CADM2: variants seen among roughly 807,000 people sequenced by gnomAD.
The protein encoded by CADM2 is cell adhesion molecule 2.
Under a neutral mutation model 49.8 loss-of-function variants are expected in CADM2, and 12 were observed. The observed-to-expected ratio is 0.24, with a 90% confidence interval of 0.15 to 0.39. CADM2 has a LOEUF of 0.39. Ranked by LOEUF, CADM2 falls within the 10% of genes least tolerant of loss-of-function variation. The probability of loss-of-function intolerance (pLI) is 1.00; values close to 1 mark genes in which losing one functional copy is unlikely to be tolerated. For missense variants in CADM2, 378 were observed against 492.3 expected, an observed-to-expected ratio of 0.77 and a Z score of 2.20; for synonymous variants, 214 against 175.4, an observed-to-expected ratio of 1.22 and a Z score of -1.74.
intron 1 of CADM2, among the ~76,000 whole-genome samples, chr3:85,437,981 T>G (rs1416733965): frequency 6.6e-6 from 1 of 152,170 alleles, no homozygotes; most frequent in Non-Finnish European, 1.5e-5. Flanking sequence ...TGCAAAGTAT[T>G]AACAACTCTC....
Position 85,562,492 on chromosome 3 carries a change from A to T in CADM2, c.62-164030A>T, listed in dbSNP as rs937439169. 6.6e-5 allele frequency among the ~76,000 whole-genome samples: 10 copies of T among 151,388 alleles called. No individual in the cohort carries two copies. In the East Asian group the frequency reaches 1.9e-3, roughly 29 times the overall value. ...AAACTCCATCTCAAAAAAAAAAAAA[A>T]AAAAAAAAAAAAGACCTAGTTCTAA... is the stretch of plus-strand genomic sequence containing the variant. On this transcript the variant is annotated intron_variant, in intron 1 of 9. Transcript: ENST00000383699.
Position 85,700,391 on chromosome 3 carries a change from G to A in CADM2, c.62-26131G>A, listed in dbSNP as rs1177609887. Among the ~76,000 whole-genome samples, 7 of 152,184 alleles carry A rather than the reference G, an allele frequency of 4.6e-5. No individual in the cohort carries two copies. The South Asian group carries it at 1.2e-3, about 27-fold the overall frequency. ...AGGAGAAATACCTAATGTAGGTGAC[G>A]GGTTGATGGGTGCAGCAAACCACCA... On this transcript the variant is annotated intron_variant, in intron 1 of 9. Coordinates refer to ENST00000383699, the MANE Select transcript of CADM2 (RefSeq NM_001167675.2).
At chr3:85,671,530 A>G (rs1264863320) in intron 1 of CADM2, among the ~76,000 whole-genome samples, 4 of 152,202 alleles carry the variant, frequency 2.6e-5, no homozygotes, top group Non-Finnish European at 5.9e-5. Flanking sequence ...GAGAAGTGAA[A>G]ACTAGATGAC....
chr3:85,769,623 GTATATATATACACATATATACATATATA>G (rs2069959139), intron 2 of CADM2, among the ~76,000 whole-genome samples: 1 of 36,818 alleles, frequency 2.7e-5, no homozygotes, highest in Non-Finnish European at 4.9e-5. Context: ...TACATATATA[GTATATATATACACATATATACATATATA>G]CATATATAGT....
At chr3:85,064,907 A>G (rs58443333) in intron 1 of CADM2, among the ~76,000 whole-genome samples, 7,816 of 152,162 alleles carry the variant, frequency 0.051, 252 homozygotes, top group African/African-American at 0.075. Flanking sequence ...GTGCCTCATG[A>G]GTTGCATGTC....
At chr3:85,950,518 A>G (rs376175918) in intron 7 of CADM2, among the ~76,000 whole-genome samples, 4 of 151,294 alleles carry the variant, frequency 2.6e-5, no homozygotes, top group South Asian at 2.1e-4. Flanking sequence ...ATAATCATCA[A>G]TGAACACTAC....
chr3:85,728,316 C>T (rs531093359), intron 2 of CADM2, among the ~76,000 whole-genome samples: 1 of 152,126 alleles, frequency 6.6e-6, no homozygotes, highest in Non-Finnish European at 1.5e-5. Flanking sequence ...TACTTGTATA[C>T]TAGCCTGTAG....
chr3:85,140,967 A>G (rs2107627596), intron 1 of CADM2, among the ~76,000 whole-genome samples: 1 of 152,298 alleles, frequency 6.6e-6, no homozygotes, highest in African/African-American at 2.4e-5. Context: ...CAACCTACAC[A>G]AAACCTATGA....
chr3:85,235,200 G>GT (rs1184572849), intron 1 of CADM2, among the ~76,000 whole-genome samples: 4 of 152,012 alleles, frequency 2.6e-5, no homozygotes, highest in Admixed American at 1.3e-4. Flanking sequence ...CATGTAGATG[G>GT]TTTTTTGTGA....
At chr3:85,290,081 T>A (rs1030849267) in intron 1 of CADM2, among the ~76,000 whole-genome samples, 2 of 152,020 alleles carry the variant, frequency 1.3e-5, no homozygotes, top group African/African-American at 4.8e-5. Context: ...TCAGTGGGTG[T>A]GTGCACCGTG....
intron 1 of CADM2, among the ~76,000 whole-genome samples, chr3:85,435,860 A>G (rs1018384921): frequency 4.6e-5 from 7 of 151,544 alleles, no homozygotes; most frequent in African/African-American, 1.7e-4. Context: ...CCACTTTTTG[A>G]TGGGGTCGTT....
chr3:86,005,324 G>C (rs1730651013), intron 8 of CADM2, among the ~76,000 whole-genome samples: 1 of 152,162 alleles, frequency 6.6e-6, no homozygotes, highest in African/African-American at 2.4e-5. Flanking sequence ...GGCCTCGGCA[G>C]GTGGATCACT....
chr3:85,275,011 C>A (rs1011084841), intron 1 of CADM2, among the ~76,000 whole-genome samples: 8 of 151,296 alleles, frequency 5.3e-5, no homozygotes, highest in Non-Finnish European at 7.4e-5. Flanking sequence ...AGGAAAAAGC[C>A]TAGCCATAGA....
intron 1 of CADM2, among the ~76,000 whole-genome samples, chr3:85,066,866 C>A (rs956386041): frequency 6.6e-6 from 1 of 152,114 alleles, no homozygotes; most frequent in African/African-American, 2.4e-5. Flanking sequence ...ATTTTCCAGA[C>A]GAAGCCATTC....
rs1289732436 is a variant in CADM2 at position 85,732,260 on chromosome 3, C to CA, written c.88+5722dup. On this transcript the variant is annotated intron_variant, in intron 2 of 9. Transcript: ENST00000383699. Reference sequence around the variant, plus strand: ...TGGGCGACAGAGGGAGACTCTGTCTCAAAAAAAAAAGAAAAAAAGTGTAAG... The same window carrying CA: ...TGGGCGACAGAGGGAGACTCTGTCTCAAAAAAAAAAAGAAAAAAAGTGTAAG... Among the ~76,000 whole-genome samples the CA allele has an allele frequency of 9.9e-4, 139 of 139,716 alleles. 3 individuals are homozygous for CA. The highest frequency in any genetic ancestry group is 2.6e-3 in the African/African-American group (98 of 37,930). The allele number at this position is 139,716 out of a possible 152,430, so 91.7% of individuals were successfully genotyped here.
chr3:85,090,473 T>C (rs1426618946), intron 1 of CADM2, among the ~76,000 whole-genome samples: 1 of 152,222 alleles, frequency 6.6e-6, no homozygotes, highest in Non-Finnish European at 1.5e-5. Context: ...GAATAGATTT[T>C]TCTATGCACT....
intron 8 of CADM2, among the ~76,000 whole-genome samples, chr3:86,027,668 G>C (rs532891434): frequency 6.6e-6 from 1 of 152,138 alleles, no homozygotes; most frequent in South Asian, 2.1e-4. Flanking sequence ...AGTTATTTTT[G>C]AATGATTTTA....
intron 1 of CADM2, among the ~76,000 whole-genome samples, chr3:85,106,009 G>T (rs536097848): frequency 3.9e-5 from 6 of 152,164 alleles, no homozygotes; most frequent in Admixed American, 3.9e-4. Context: ...ACGAGTTAAT[G>T]GGTGCAGCAC....
intron 1 of CADM2, among the ~76,000 whole-genome samples, chr3:85,702,306 T>A (rs1220450674): frequency 6.6e-6 from 1 of 152,178 alleles, no homozygotes; most frequent in Non-Finnish European, 1.5e-5. Flanking sequence ...ATTCTTTTTT[T>A]ATTTTTTTTC....
Sources: gnomAD v4.1 joint callset for allele counts (sites outside exome capture counted in the v4.1 genomes callset) on GRCh38, gnomAD v4.1.1 for gene constraint, MANE v1.5 for transcripts, NCBI Gene and HGNC (gene_info 2026-07-23, HGNC 2026-07-21) for gene names.